The following WHRN variants were observed in gnomAD, a reference collection of about 807,000 sequenced individuals.
The protein encoded by WHRN is whirlin, also known as CASK-interacting protein CIP98.
Under a neutral mutation model 68.3 loss-of-function variants are expected in WHRN, and 41 were observed. The ratio of observed to expected loss-of-function variants is 0.60; its 90% confidence interval spans 0.47 to 0.78. WHRN has a LOEUF of 0.78. Among genes scored for constraint, WHRN ranks in the 30% least tolerant of loss-of-function variants. The pLI is 0.00. For synonymous variants in WHRN, 560 were observed against 561.3 expected (o/e 1.00, Z 0.03); for missense variants, 1,243 against 1,244.7 (o/e 1.00, Z 0.02).
chr9:114,420,332 C>T (rs893537404), intron 7 of WHRN, among the ~76,000 whole-genome samples: 4 of 152,136 alleles, frequency 2.6e-5, no homozygotes, highest in African/African-American at 9.7e-5. Flanking sequence ...AGGCGAGTCC[C>T]CACTGCTCTA....
Position 114,406,371 on chromosome 9 carries a change from C to A in WHRN, c.2220G>T (p.Ala740=). ...DSEPDVNEVR[A]LPQTRTASTL... ...TGTACTCACTGCGCGTCTGGGGCAG[C>A]GCCCTCACTTCATTGACGTCTGGCT... Residue 740 remains alanine, a synonymous_variant, in exon 9 of 12, where the codon GCG becomes GCT. Transcript: ENST00000362057. The A allele has an allele frequency of 2.5e-6, 4 of 1,614,116 alleles. No homozygotes were observed. Among genetic ancestry groups the A allele is most frequent in the Non-Finnish European group, 3.4e-6 (4 of 1,180,030 alleles).
chr9:114,439,407 C>T (rs1256425401), intron 3 of WHRN, among the ~76,000 whole-genome samples: 1 of 152,184 alleles, frequency 6.6e-6, no homozygotes, highest in Non-Finnish European at 1.5e-5. Flanking sequence ...AAATCAGAAG[C>T]TCTACTTCAC....
intron 3 of WHRN, among the ~76,000 whole-genome samples, chr9:114,434,447 C>T (rs1429239136): frequency 6.6e-6 from 1 of 152,148 alleles, no homozygotes; most frequent in Non-Finnish European, 1.5e-5. Flanking sequence ...CACACAAGTT[C>T]CACTTCACTA....
intron 3 of WHRN, among the ~76,000 whole-genome samples, chr9:114,430,522 T>G (rs903141155): frequency 1.3e-5 from 2 of 152,152 alleles, no homozygotes; most frequent in South Asian, 2.1e-4. Flanking sequence ...CTTCCAAACC[T>G]AGGTCACTTC....
At chr9:114,456,597 G>A (rs983744276) in intron 3 of WHRN, among the ~76,000 whole-genome samples, 2 of 152,146 alleles carry the variant, frequency 1.3e-5, no homozygotes, top group African/African-American at 4.8e-5. Flanking sequence ...GGAGGCTGAG[G>A]TGGGCGAATC....
At chr9:114,466,597 G>A (rs1048099045) in intron 2 of WHRN, among the ~76,000 whole-genome samples, 1 of 152,174 alleles carries the variant, frequency 6.6e-6, no homozygotes, top group African/African-American at 2.4e-5. Context: ...CCTTGAGGAA[G>A]CCCCTCACCC....
At chr9:114,475,519 C>T (rs1346574776) in intron 2 of WHRN, among the ~76,000 whole-genome samples, 1 of 152,168 alleles carries the variant, frequency 6.6e-6, no homozygotes, top group Non-Finnish European at 1.5e-5. Flanking sequence ...AAACTATAAC[C>T]AGCTCCAGGG....
chr9:114,451,618 C>T (rs1201452958), intron 3 of WHRN, among the ~76,000 whole-genome samples: 1 of 151,546 alleles, frequency 6.6e-6, no homozygotes, highest in Non-Finnish European at 1.5e-5. Context: ...CCCTAATTTT[C>T]ACAAAGCAGT....
At chr9:114,498,897 C>A (rs974603686) in intron 1 of WHRN, among the ~76,000 whole-genome samples, 2 of 152,146 alleles carry the variant, frequency 1.3e-5, no homozygotes, top group Non-Finnish European at 2.9e-5. Context: ...GGACAAAGCA[C>A]CCAGCACATA....
chr9:114,471,052 A>G (rs1280034254), intron 2 of WHRN, among the ~76,000 whole-genome samples: 3 of 152,172 alleles, frequency 2.0e-5, no homozygotes, highest in African/African-American at 7.2e-5. Context: ...CAGAACTGTA[A>G]TAACAGTTCT....
intron 1 of WHRN, among the ~76,000 whole-genome samples, chr9:114,486,959 GTATATATATATATATATATATATA>G (rs869241280): frequency 8.0e-4 from 4 of 5,028 alleles, no homozygotes; most frequent in African/African-American, 9.6e-4. Flanking sequence ...GTGTGTGTGT[GTATATATATATATATATATATATA>G]TATATATATA....
chr9:114,449,548 A>G (rs1243953868), intron 3 of WHRN, among the ~76,000 whole-genome samples: 1 of 152,190 alleles, frequency 6.6e-6, no homozygotes, highest in Admixed American at 6.5e-5. Context: ...AGCATCTCGA[A>G]TTTCTGCAAT....
intron 3 of WHRN, among the ~76,000 whole-genome samples, chr9:114,465,358 C>G (rs889557280): frequency 2.0e-5 from 3 of 152,336 alleles, no homozygotes; most frequent in Admixed American, 1.3e-4. Context: ...TGCACACAGA[C>G]TAGGCATCCA....
In WHRN at chr9:114,438,310, G is replaced by A. The variant is rs115331621; in HGVS notation, c.964-11897C>T. On this transcript the variant is annotated intron_variant, in intron 3 of 11. Coordinates refer to ENST00000362057, the MANE Select transcript of WHRN (RefSeq NM_015404.4). Reference sequence around the variant, plus strand: ...AATTGCAAAATAAAGCTACATCAAGGTACCATTTCTCATCTATCAGATTGA... The same window carrying A: ...AATTGCAAAATAAAGCTACATCAAGATACCATTTCTCATCTATCAGATTGA... Among the ~76,000 whole-genome samples, 553 of 152,076 alleles carry A rather than the reference G, an allele frequency of 3.6e-3. 1 individual carries two copies. The highest frequency in any genetic ancestry group is 0.013 in the African/African-American group (530 of 41,458).
At chr9:114,443,952 A>G (rs1419216253) in intron 3 of WHRN, among the ~76,000 whole-genome samples, 2 of 152,220 alleles carry the variant, frequency 1.3e-5, no homozygotes, top group African/African-American at 4.8e-5. Context: ...ATGAGAGCCA[A>G]GCAAAAGGGG....
At chr9:114,462,751 T>C (rs1367015740) in intron 3 of WHRN, among the ~76,000 whole-genome samples, 7 of 152,244 alleles carry the variant, frequency 4.6e-5, no homozygotes, top group African/African-American at 1.4e-4. Context: ...TTGCTTAACA[T>C]TGCTCCTAAA....
intron 1 of WHRN, among the ~76,000 whole-genome samples, chr9:114,480,084 T>TA (rs113073044): frequency 0.052 from 7,840 of 151,280 alleles, 535 homozygotes; most frequent in African/African-American, 0.14. Flanking sequence ...AATAATTAAT[T>TA]AAAAAAAAAG....
chr9:114,403,418 C>T (rs1834810757), intron 10 of WHRN, 79 bp from the exon 11 acceptor site: 1 of 1,588,766 alleles, frequency 6.3e-7, no homozygotes, highest in African/African-American at 1.3e-5. Context: ...GGCCGTGACA[C>T]CACCCTGGGT....
At chr9:114,437,069 C>A (rs1045498822) in intron 3 of WHRN, among the ~76,000 whole-genome samples, 3 of 152,160 alleles carry the variant, frequency 2.0e-5, no homozygotes, top group African/African-American at 7.2e-5. Flanking sequence ...GTAGCACTGA[C>A]TCATGAGTAG....
Sources: gnomAD v4.1 joint callset for allele counts (sites outside exome capture counted in the v4.1 genomes callset) on GRCh38, gnomAD v4.1.1 for gene constraint, MANE v1.5 for transcripts, NCBI Gene and HGNC (gene_info 2026-07-23, HGNC 2026-07-21) for gene names.